PTPRD: variants seen among roughly 807,000 people sequenced by gnomAD.
PTPRD encodes protein tyrosine phosphatase receptor type D, also known as receptor-type tyrosine-protein phosphatase delta.
Under a neutral mutation model 214.5 loss-of-function variants are expected in PTPRD, and 34 were observed. The ratio of observed to expected loss-of-function variants is 0.16; its 90% confidence interval spans 0.12 to 0.21. PTPRD has a LOEUF of 0.21. Ranked by LOEUF, PTPRD falls within the 10% of genes least tolerant of loss-of-function variation. The pLI, the probability that PTPRD is intolerant of heterozygous loss-of-function variation, is 1.00. For synonymous variants in PTPRD, 1,128 were observed against 845.7 expected, an observed-to-expected ratio of 1.33 and a Z score of -5.79; for missense variants, 2,545 against 2,398.7, an observed-to-expected ratio of 1.06 and a Z score of -1.27.
intron 3 of PTPRD, among the ~76,000 whole-genome samples, chr9:10,324,357 T>G (rs1212276288): frequency 6.6e-6 from 1 of 152,078 alleles, no homozygotes; most frequent in Non-Finnish European, 1.5e-5. Context: ...ATGAAGATTT[T>G]TAACACACAG....
chr9:8,521,807 C>CA (rs1161126494), intron 19 of PTPRD, among the ~76,000 whole-genome samples: 1 of 152,066 alleles, frequency 6.6e-6, no homozygotes, highest in Non-Finnish European at 1.5e-5. Flanking sequence ...AAGGGCCCCA[C>CA]AAAAAACTAT....
intron 7 of PTPRD, among the ~76,000 whole-genome samples, chr9:9,619,303 G>C (rs2095091989): frequency 6.6e-6 from 1 of 151,876 alleles, no homozygotes; most frequent in Admixed American, 6.6e-5. Context: ...AGACGATTAA[G>C]ATACAGGAGA....
chr9:9,286,602 A>G (rs1167480550), intron 9 of PTPRD, among the ~76,000 whole-genome samples: 1 of 151,530 alleles, frequency 6.6e-6, no homozygotes, highest in Non-Finnish European at 1.5e-5. Flanking sequence ...ATATCACTCA[A>G]ATAAAACATG....
Position 10,208,139 on chromosome 9 carries a change from G to A in PTPRD, c.-545+132824C>T, listed in dbSNP as rs191672509. ...ATGTAATGAGGACTTTGCTGTTAAA[G>A]TCTTCTCTGGGAAACACTTGTGTTA... On this transcript the variant is annotated intron_variant, in intron 3 of 45. Transcript: ENST00000381196. Among the ~76,000 whole-genome samples the A allele has an allele frequency of 3.3e-5, 5 of 152,306 alleles. No homozygotes were observed. In the East Asian group the frequency reaches 9.7e-4, roughly 29 times the overall value.
chr9:9,969,956 T>C (rs2094973478), intron 4 of PTPRD, among the ~76,000 whole-genome samples: 1 of 152,154 alleles, frequency 6.6e-6, no homozygotes, highest in African/African-American at 2.4e-5. Context: ...TTCTTATCTC[T>C]GTCCACTCCT....
At chr9:9,907,801 C>A (rs775205558) in intron 5 of PTPRD, among the ~76,000 whole-genome samples, 1 of 152,014 alleles carries the variant, frequency 6.6e-6, no homozygotes, top group Admixed American at 6.6e-5. Flanking sequence ...AAATCAGAAC[C>A]CTACTGATTC....
At chr9:8,982,123 T>C (rs569002602) in intron 11 of PTPRD, among the ~76,000 whole-genome samples, 10 of 152,158 alleles carry the variant, frequency 6.6e-5, no homozygotes, top group African/African-American at 2.4e-4. Context: ...ACACACTGAA[T>C]TTAATAATTT....
At chr9:10,490,011 G>C (rs955220300) in intron 2 of PTPRD, among the ~76,000 whole-genome samples, 11 of 152,132 alleles carry the variant, frequency 7.2e-5, no homozygotes, top group Non-Finnish European at 1.5e-4. Flanking sequence ...ATTGTTTTGT[G>C]TTTATGTAGA....
intron 11 of PTPRD, among the ~76,000 whole-genome samples, chr9:8,854,611 T>A (rs899218268): frequency 6.6e-6 from 1 of 152,220 alleles, no homozygotes; most frequent in African/African-American, 2.4e-5. Context: ...CCTCACTGCC[T>A]AATGTCTCTC....
intron 2 of PTPRD, among the ~76,000 whole-genome samples, chr9:10,498,679 T>A (rs1424360009): frequency 6.6e-6 from 1 of 151,964 alleles, no homozygotes; most frequent in Non-Finnish European, 1.5e-5. Context: ...TGGTGTTGTA[T>A]ATTATAAATA....
intron 9 of PTPRD, among the ~76,000 whole-genome samples, chr9:9,344,855 T>G (rs2048220164): frequency 6.6e-6 from 1 of 152,058 alleles, no homozygotes; most frequent in African/African-American, 2.4e-5. Flanking sequence ...GAGATGTACC[T>G]GTGGGGCCAA....
chr9:9,458,591 GT>G (rs1460351519), intron 8 of PTPRD, among the ~76,000 whole-genome samples: 1 of 152,058 alleles, frequency 6.6e-6, no homozygotes, highest in Non-Finnish European at 1.5e-5. Context: ...GTTTGTTGTT[GT>G]TGCTGTTGTT....
Position 10,233,896 on chromosome 9 carries a change from A to T in PTPRD, c.-545+107067T>A, listed in dbSNP as rs564857960. Among the ~76,000 whole-genome samples the T allele has an allele frequency of 2.3e-3, 349 of 152,034 alleles. 3 individuals carry two copies. Among genetic ancestry groups the T allele is most frequent in the Middle Eastern group, 0.01 (3 of 292 alleles). On this transcript the variant is annotated intron_variant, in intron 3 of 45. Coordinates refer to ENST00000381196, the MANE Select transcript of PTPRD (RefSeq NM_002839.4). The stretch of plus-strand genomic sequence containing the variant: ...GACTCAGGGGCAAATCAAAAGTTTT[A>T]CCTTTAATTGGAATCACTGACATAG...
chr9:8,411,355 G>C (rs915000325), intron 35 of PTPRD, among the ~76,000 whole-genome samples: 1 of 151,920 alleles, frequency 6.6e-6, no homozygotes, highest in Non-Finnish European at 1.5e-5. Context: ...CCAGGCTGAA[G>C]TGCAATGGCG....
At chr9:8,361,896 C>A (rs1371902971) in intron 39 of PTPRD, among the ~76,000 whole-genome samples, 1 of 152,210 alleles carries the variant, frequency 6.6e-6, no homozygotes. Flanking sequence ...CAAAGAGGAT[C>A]GTGTTCAGAC....
intron 11 of PTPRD, among the ~76,000 whole-genome samples, chr9:8,775,249 T>TGGTC (rs2095423882): frequency 6.6e-6 from 1 of 152,174 alleles, no homozygotes; most frequent in African/African-American, 2.4e-5. Flanking sequence ...TTTTCTGATA[T>TGGTC]GGTCTGTTTA....
chr9:9,635,373 A>G (rs1378819343), intron 7 of PTPRD, among the ~76,000 whole-genome samples: 1 of 152,148 alleles, frequency 6.6e-6, no homozygotes, highest in African/African-American at 2.4e-5. Flanking sequence ...GGTAGGTAGC[A>G]TATTCCTCTC....
intron 2 of PTPRD, among the ~76,000 whole-genome samples, chr9:10,472,229 G>A (rs1021799600): frequency 6.6e-6 from 1 of 152,064 alleles, no homozygotes; most frequent in Non-Finnish European, 1.5e-5. Flanking sequence ...TTTGACTTTA[G>A]AACTTTATGC....
At chr9:9,795,214 A>G (rs10816183) in intron 5 of PTPRD, among the ~76,000 whole-genome samples, 17,316 of 152,252 alleles carry the variant, frequency 0.11, 1,838 homozygotes, top group East Asian at 0.54. Context: ...GGCCACATGT[A>G]TTTGGAGATC....
Sources: gnomAD v4.1 joint callset for allele counts (sites outside exome capture counted in the v4.1 genomes callset) on GRCh38, gnomAD v4.1.1 for gene constraint, MANE v1.5 for transcripts, NCBI Gene and HGNC (gene_info 2026-07-23, HGNC 2026-07-21) for gene names.